Variants in APAF1 observed in about 807,000 individuals in gnomAD.
APAF1 encodes apoptotic protease-activating factor 1.
A neutral mutation model predicts 152.4 loss-of-function variants in APAF1; 91 were observed. The observed-to-expected ratio is 0.60, with a 90% CI of 0.50 to 0.71. The LOEUF is 0.71. APAF1 is among the 30% of genes least tolerant of loss of function. APAF1 has a pLI of 0.00. For synonymous variants in APAF1, 484 were observed against 494.1 expected (o/e 0.98, Z 0.27); for missense variants, 1,283 against 1,472.0 (o/e 0.87, Z 2.10).
At chr12:98,699,303 C>T in intron 16 of APAF1, 105 bp from the exon 17 acceptor site, 2 of 1,109,854 alleles carry the variant, frequency 1.8e-6, no homozygotes, top group Non-Finnish European at 1.3e-6. Context: ...AATAATTCAT[C>T]AAGTGAAGTG....
Position 98,648,634 on chromosome 12 carries a change from A to G in APAF1, c.147A>G (p.Gln49=). The G allele has an allele frequency of 6.2e-7, 1 of 1,613,610 alleles. No homozygotes were observed. The highest frequency in any genetic ancestry group is 8.5e-7 in the Non-Finnish European group (1 of 1,179,902). ...TACTTAATTTTTTTTAGCCCACTCA[A>G]CAGCAAAGAGCAGCTATGCTGATTA... is the stretch of plus-strand genomic sequence containing the variant. The part of the protein sequence containing the change: ...EEEKVRNEPT[Q]QQRAAMLIKM... Residue 49 remains glutamine (Q), a synonymous_variant, in exon 3 of 27, where the codon CAA becomes CAG. Transcript: ENST00000551964.
intron 1 of APAF1, among the ~76,000 whole-genome samples, chr12:98,646,070 A>C (rs149303143): frequency 6.6e-6 from 1 of 152,216 alleles, no homozygotes; most frequent in Non-Finnish European, 1.5e-5. Flanking sequence ...GTTGTGGGTT[A>C]CAAAAGGTTT....
intron 16 of APAF1, among the ~76,000 whole-genome samples, chr12:98,689,495 T>A (rs11109572): frequency 9.0e-4 from 136 of 151,094 alleles, no homozygotes; most frequent in East Asian, 8.4e-3. Flanking sequence ...TGTGTGTGTG[T>A]GAGAGAGAGA....
chr12:98,700,902 G>A (rs2097714713), intron 17 of APAF1, among the ~76,000 whole-genome samples: 1 of 151,982 alleles, frequency 6.6e-6, no homozygotes. Flanking sequence ...ATGTTTTCAA[G>A]GTTCATTCAT....
chr12:98,665,898 A>G (rs2097672100), intron 8 of APAF1, 107 bp downstream of exon 8: 2 of 1,021,956 alleles, frequency 2.0e-6, no homozygotes, highest in African/African-American at 3.2e-5. Flanking sequence ...GACCCAGGGG[A>G]CTGAGGTGGT....
Position 98,662,708 on chromosome 12 carries a change from TAGGAA to T in APAF1, c.864_868del (p.Glu289ArgfsTer3). 6.2e-7 allele frequency: 1 copy of T among 1,613,238 alleles called. No homozygotes were observed. The highest frequency in any genetic ancestry group is 8.5e-7 in the Non-Finnish European group (1 of 1,179,688). On this transcript the variant is annotated frameshift_variant, in exon 7 of 27. Coordinates refer to ENST00000551964, the MANE Select transcript of APAF1 (RefSeq NM_181861.2). LOFTEE classifies it high-confidence loss of function. ...TATGTAGTCCCTGTGGAGAGTTCCT[TAGGAA>T]AGGAAAAAGGACTTGAAATTTTATC...
intron 17 of APAF1, among the ~76,000 whole-genome samples, chr12:98,700,532 A>T (rs1325992136): frequency 1.3e-5 from 2 of 152,204 alleles, no homozygotes; most frequent in African/African-American, 4.8e-5. Context: ...ACCTCCCTTT[A>T]AGTTTGTTAA....
chr12:98,687,369 A>G (rs894947672), intron 16 of APAF1, among the ~76,000 whole-genome samples: 2 of 152,072 alleles, frequency 1.3e-5, no homozygotes, highest in Non-Finnish European at 2.9e-5. Flanking sequence ...CTCAAAAAAA[A>G]AAAAAAAAGT....
Position 98,715,539 on chromosome 12 carries a change from A to G in APAF1, c.3071A>G (p.Asp1024Gly). Residue 1024 changes from aspartate to glycine, a missense_variant, in exon 22 of 27, where the codon GAT (aspartate) becomes GGT (glycine). Coordinates refer to ENST00000551964, the MANE Select transcript of APAF1 (RefSeq NM_181861.2). Reference sequence around the variant, plus strand: ...AAGACTCTTATTTCAAGTTCTGATGATGCTGAAATTCAGGTGAGAGGGAGG... The same window carrying G: ...AAGACTCTTATTTCAAGTTCTGATGGTGCTGAAATTCAGGTGAGAGGGAGG... ...DEKTLISSSD[D>G]AEIQVWNWQL... The G allele has an allele frequency of 6.2e-7, 1 of 1,613,644 alleles. No individual in the cohort carries two copies. Among genetic ancestry groups the G allele is most frequent in the South Asian group, 1.1e-5 (1 of 91,078 alleles).
intron 12 of APAF1, among the ~76,000 whole-genome samples, chr12:98,677,122 T>G (rs2097687426): frequency 1.3e-5 from 2 of 152,244 alleles, no homozygotes; most frequent in African/African-American, 4.8e-5. Context: ...AAATGGAAAG[T>G]GACATGTTGA....
intron 4 of APAF1, among the ~76,000 whole-genome samples, chr12:98,651,310 T>C (rs950635149): frequency 6.6e-6 from 1 of 152,236 alleles, no homozygotes; most frequent in African/African-American, 2.4e-5. Context: ...ACAATCCTAA[T>C]GTATTTAATG....
intron 25 of APAF1, 34 bp downstream of exon 25, chr12:98,725,574 T>C: frequency 6.2e-7 from 1 of 1,613,728 alleles, no homozygotes. Flanking sequence ...GCACTGCTCT[T>C]CTTGTAGCTT....
intron 5 of APAF1, among the ~76,000 whole-genome samples, chr12:98,661,252 A>G (rs2097664877): frequency 6.6e-6 from 1 of 152,154 alleles, no homozygotes; most frequent in African/African-American, 2.4e-5. Context: ...TGAGATCACT[A>G]ACCCTTCCCT....
intron 15 of APAF1, among the ~76,000 whole-genome samples, chr12:98,684,229 TC>T (rs916955000): frequency 6.6e-6 from 1 of 152,132 alleles, no homozygotes; most frequent in African/African-American, 2.4e-5. Context: ...GCCGTCTCCA[TC>T]CCCCTGTTCA....
chr12:98,686,599 T>C, intron 15 of APAF1, 149 bp from the exon 16 acceptor site: 1 of 747,890 alleles, frequency 1.3e-6, no homozygotes, highest in African/African-American at 1.8e-5. Context: ...AGTTCATTTT[T>C]GTGTTTGATA....
Position 98,659,211 on chromosome 12 carries a change from C to T in APAF1, c.578C>T (p.Ser193Phe). 2 of 1,614,200 alleles carry T rather than the reference C, an allele frequency of 1.2e-6. No homozygotes were observed. The highest frequency in any genetic ancestry group is 1.7e-6 in the Non-Finnish European group (2 of 1,180,036). The change falls in exon 5 of 27, where the codon TCT becomes TTT. Residue 193 changes from serine to phenylalanine, a missense_variant. Physicochemically the swap from Ser to Phe is radical, Grantham distance 155. Coordinates refer to ENST00000551964, the MANE Select transcript of APAF1 (RefSeq NM_181861.2). ...GTTTCAGTTGGGAAACAAGACAAAT[C>T]TGGGCTTCTGATGAAACTGCAGAAT... ...HWVSVGKQDK[S>F]GLLMKLQNLC...
chr12:98,653,261 A>T (rs571901754), intron 4 of APAF1, among the ~76,000 whole-genome samples: 1 of 152,142 alleles, frequency 6.6e-6, no homozygotes, highest in African/African-American at 2.4e-5. Flanking sequence ...CTTTTCTTTT[A>T]AAAGTACAGA....
intron 4 of APAF1, among the ~76,000 whole-genome samples, chr12:98,653,423 G>A (rs181826218): frequency 2.0e-5 from 3 of 151,474 alleles, no homozygotes; most frequent in Admixed American, 2.0e-4. Flanking sequence ...CTGGGAGGCC[G>A]AGGTGGACAG....
rs961217492 is a variant in APAF1, at chr12:98,654,653, C to T, written c.527-4507C>T. On this transcript the variant is annotated intron_variant, in intron 4 of 26. Transcript: ENST00000551964. ...GAACACCTGACCCAAGTGATCCCCT[C>T]GCCTCGGCCTCCCAAAGTTCTGGGA... 3.3e-5 allele frequency among the ~76,000 whole-genome samples: 5 copies of T among 151,956 alleles called. No individual in the cohort carries two copies. The South Asian group carries it at 6.2e-4, about 19-fold the overall frequency.
Sources: allele counts gnomAD v4.1 joint callset (sites outside exome capture counted in the v4.1 genomes callset), GRCh38; gene constraint gnomAD v4.1.1; transcripts MANE v1.5; gene names NCBI Gene and HGNC (gene_info 2026-07-23, HGNC 2026-07-21).